The following DRAXIN variants were observed in gnomAD, a reference collection of about 807,000 sequenced individuals.
DRAXIN encodes the protein dorsal repulsive axon guidance protein.
DRAXIN carries 27 observed loss-of-function variants against 33.9 expected under a neutral mutation model. The observed-to-expected ratio is 0.80, with a 90% CI of 0.59 to 1.10. The LOEUF (loss-of-function observed/expected upper bound fraction) is 1.10. Among genes scored for constraint, DRAXIN ranks in the 50% least tolerant of loss-of-function variants. The pLI is 0.00. For synonymous variants in DRAXIN, 178 were observed against 194.0 expected (o/e 0.92, Z 0.69); for missense variants, 371 against 460.8 (o/e 0.81, Z 1.78).
rs1641731495 is a variant in DRAXIN, at chr1:11,725,400, G to A, written c.*5704G>A. ...TACTGAGCCAGAATCTCTGGGGGTG[G>A]GGCCCAGCCATTTGGCTTTTCACAA... On this transcript the variant is annotated 3_prime_UTR_variant, in exon 7 of 7. Coordinates refer to ENST00000294485, the MANE Select transcript of DRAXIN (RefSeq NM_198545.4). 1 of 152,216 alleles carries A rather than the reference G, an allele frequency of 6.6e-6. No individual in the cohort carries two copies. Among genetic ancestry groups the A allele is most frequent in the South Asian group, 2.1e-4 (1 of 4,838 alleles). 9.4% of individuals were successfully genotyped at this position (152,216 alleles called of 1,614,324 possible).
Position 11,719,721 on chromosome 1 carries a change from GC to G in DRAXIN, c.*28del. On this transcript the variant is annotated 3_prime_UTR_variant, in exon 7 of 7. Coordinates refer to ENST00000294485, the MANE Select transcript of DRAXIN (RefSeq NM_198545.4). ...GCGGCCCCGCGGGACTGGGGACTGA[GC>G]CCAGGAGGTTTGCACAAGCCGGGCG... 6.2e-7 allele frequency: 1 copy of G among 1,600,376 alleles called. No homozygotes were observed. Among genetic ancestry groups the G allele is most frequent in the Non-Finnish European group, 8.6e-7 (1 of 1,169,140 alleles).
In DRAXIN at chr1:11,706,931, C is replaced by T. The variant is rs143525233; in HGVS notation, c.451+222C>T. Among the ~76,000 whole-genome samples, 5 of 152,262 alleles carry T rather than the reference C, an allele frequency of 3.3e-5. No individual in the cohort carries two copies. Among genetic ancestry groups the T allele is most frequent in the South Asian group, 4.1e-4 (2 of 4,820 alleles). On this transcript the variant is annotated intron_variant, in intron 2 of 6. Transcript: ENST00000294485. The surrounding 1 kb of genome is among the most constrained non-coding windows in gnomAD (Gnocchi z 5.5). ...TGTTGCAATACAATCTGTCTTATCGCGGCCCGGTGCCGTGGCTCACGCTTG... is the reference window on the plus strand; with the variant it reads ...TGTTGCAATACAATCTGTCTTATCGTGGCCCGGTGCCGTGGCTCACGCTTG...
chr1:11,722,828 C>CTTTTTTTTTTTTTTTTTTTT lies in DRAXIN; in HGVS notation c.*3132_*3133insTTTTTTTTTTTTTTTTTTTT, dbSNP rs1408795587. On this transcript the variant is annotated 3_prime_UTR_variant, in exon 7 of 7. Coordinates refer to ENST00000294485, the MANE Select transcript of DRAXIN (RefSeq NM_198545.4). ...TGTCACAAAATATTATTCTCTCTTT[C>CTTTTTTTTTTTTTTTTTTTT]CTTTTTTTTTTTTTTGGAGATGGAG... 1 of 138,810 alleles carries CTTTTTTTTTTTTTTTTTTTT rather than the reference C, an allele frequency of 7.2e-6. No individual in the cohort carries two copies. Among genetic ancestry groups the CTTTTTTTTTTTTTTTTTTTT allele is most frequent in the Non-Finnish European group, 1.6e-5 (1 of 63,326 alleles). The allele number at this position is 138,810 out of a possible 1,614,324, so 8.6% of individuals were successfully genotyped here. A position where few individuals can be genotyped will look rare whatever the true frequency, so the allele number is the denominator to read the frequency against.
chr1:11,690,883 TC>T (rs2100724163), upstream of DRAXIN, among the ~76,000 whole-genome samples: 1 of 152,210 alleles, frequency 6.6e-6, no homozygotes, highest in African/African-American at 2.4e-5. This position sits in a 1 kb window ranked among gnomAD's most constrained non-coding sequence, Gnocchi z 4.2. Flanking sequence ...CTGAGAAGCT[TC>T]AGGCCGGCTT....
At chr1:11,701,196 A>G (rs974705577) in intron 1 of DRAXIN, among the ~76,000 whole-genome samples, 1 of 152,110 alleles carries the variant, frequency 6.6e-6, no homozygotes, top group African/African-American at 2.4e-5. Context: ...GATGCCTCTC[A>G]CCGCGAGGAT....
intron 6 of DRAXIN, among the ~76,000 whole-genome samples, chr1:11,716,620 T>C (rs1641581280): frequency 6.6e-6 from 1 of 152,122 alleles, no homozygotes; most frequent in African/African-American, 2.4e-5. Context: ...GTCTTAAAAA[T>C]GATGATAATA....
chr1:11,692,563 C>G lies in DRAXIN; in HGVS notation c.-11+710C>G, dbSNP rs1030649793. 6.6e-6 allele frequency among the ~76,000 whole-genome samples: 1 copy of G among 152,216 alleles called. No homozygotes were observed. The highest frequency in any genetic ancestry group is 2.4e-5 in the African/African-American group (1 of 41,458). On this transcript the variant is annotated intron_variant, in intron 1 of 6. Coordinates refer to ENST00000294485, the MANE Select transcript of DRAXIN (RefSeq NM_198545.4). The surrounding 1 kb of genome is among the most constrained non-coding windows in gnomAD (Gnocchi z 5.8). ...CCGGCTTTTGGCTTTTCTCCGTCCG[C>G]TCGTCAAGGGTCTCAGCCGCCTTCG...
At chr1:11,688,952 G>GT (rs1641010446), upstream of DRAXIN, among the ~76,000 whole-genome samples, 1 of 152,192 alleles carries the variant, frequency 6.6e-6, no homozygotes, top group South Asian at 2.1e-4. The surrounding 1 kb of genome is among the most constrained non-coding windows in gnomAD (Gnocchi z 4.6). Flanking sequence ...TGCCATGGCA[G>GT]TTTACAAATG....
At position 11,721,517 on chromosome 1, in the gene DRAXIN, T is replaced by C. The variant is rs1461647925; in HGVS notation, c.*1821T>C. On this transcript the variant is annotated 3_prime_UTR_variant, in exon 7 of 7. Coordinates refer to ENST00000294485, the MANE Select transcript of DRAXIN (RefSeq NM_198545.4). ...ACGCCCATAAGATGCCAGAGATGTT[T>C]ACTGCGTTGGAAAAATCAGTCGGGG... The C allele has an allele frequency of 2.6e-5, 4 of 152,404 alleles. No homozygotes were observed. 9.4% of individuals were successfully genotyped at this position (152,404 alleles called of 1,614,324 possible).
rs1246372624 is a variant in DRAXIN at position 11,706,447 on chromosome 1, CAAG to C, written c.193_195del (p.Lys65del). 12 of 1,611,340 alleles carry C rather than the reference CAAG, an allele frequency of 7.4e-6. No homozygotes were observed. The South Asian group carries it at 1.1e-4, about 15-fold the overall frequency. ...GCCACCACCGCCGGCGGGGCCCGGG[CAAG>C]AAGGAGTGGGGCCCAGGCCTGCCCA... On this transcript the variant is annotated inframe_deletion, in exon 2 of 7. Coordinates refer to ENST00000294485, the MANE Select transcript of DRAXIN (RefSeq NM_198545.4). This position sits in a 1 kb window ranked among gnomAD's most constrained non-coding sequence, Gnocchi z 5.5.
intron 5 of DRAXIN, 75 bp from the exon 6 acceptor site, chr1:11,715,044 C>T: frequency 1.9e-6 from 3 of 1,542,192 alleles, no homozygotes; most frequent in African/African-American, 1.4e-5. Flanking sequence ...ATCTCTTGTC[C>T]AGTGGGACCG....
chr1:11,703,836 A>G (rs944795744), intron 1 of DRAXIN, among the ~76,000 whole-genome samples: 5 of 151,906 alleles, frequency 3.3e-5, no homozygotes, highest in African/African-American at 1.2e-4. Context: ...GGTACTGTGA[A>G]TGGACCCACA....
At chr1:11,687,459 C>T (rs1202037881), upstream of DRAXIN, among the ~76,000 whole-genome samples, 9 of 152,152 alleles carry the variant, frequency 5.9e-5, no homozygotes, top group Admixed American at 4.6e-4. The surrounding 1 kb of genome is among the most constrained non-coding windows in gnomAD (Gnocchi z 4.1). Context: ...AGGCTGGTCT[C>T]GAACTCCTGA....
chr1:11,691,373 C>T (rs1321279525), upstream of DRAXIN: 1 of 152,186 alleles, frequency 6.6e-6, no homozygotes, highest in Non-Finnish European at 1.5e-5. Flanking sequence ...CCCCTCCCGT[C>T]CCACGCGCCC....
intron 6 of DRAXIN, among the ~76,000 whole-genome samples, chr1:11,716,529 G>A (rs1326114767): frequency 1.3e-5 from 2 of 152,204 alleles, no homozygotes; most frequent in South Asian, 2.1e-4. Flanking sequence ...TACATGCCCC[G>A]TTTTGCTCAT....
intron 5 of DRAXIN, 107 bp from the exon 6 acceptor site, chr1:11,715,012 C>T (rs1246370680): frequency 2.7e-5 from 36 of 1,346,184 alleles, no homozygotes; most frequent in Non-Finnish European, 3.5e-5. Flanking sequence ...CGCCAGGGCG[C>T]GGCCTGCCAC....
In DRAXIN at chr1:11,709,898, A is replaced by G. The variant is rs528213227; in HGVS notation, c.642+433A>G. Among the ~76,000 whole-genome samples the G allele has an allele frequency of 6.6e-5, 10 of 152,334 alleles. No homozygotes were observed. The East Asian group carries it at 1.7e-3, about 26-fold the overall frequency. On this transcript the variant is annotated intron_variant, in intron 3 of 6. Transcript: ENST00000294485. ...CATCTGCATCAGATCTTTAAAAAAG[A>G]TATGTGGGCTGGGCGCGGTGGCTCA...
intron 1 of DRAXIN, 87 bp downstream of exon 1, chr1:11,691,940 G>C (rs1332178032): frequency 6.6e-6 from 1 of 151,886 alleles, no homozygotes; most frequent in East Asian, 2.0e-4. Flanking sequence ...TACCTGGCGC[G>C]CCCAGGGGCG....
chr1:11,706,851 A>T lies in DRAXIN; in HGVS notation c.451+142A>T. ...TCACTGAAGCCAGAGGGACCTGGTAAGGGGAGGAGGCTGGGAGAGGCCTGG... is the reference window on the plus strand; with the variant it reads ...TCACTGAAGCCAGAGGGACCTGGTATGGGGAGGAGGCTGGGAGAGGCCTGG... On this transcript the variant is annotated intron_variant, in intron 2 of 6. Transcript: ENST00000294485. This position sits in a 1 kb window ranked among gnomAD's most constrained non-coding sequence, Gnocchi z 5.5. 2.2e-6 allele frequency: 2 copies of T among 913,834 alleles called. No individual in the cohort carries two copies. The highest frequency in any genetic ancestry group is 2.0e-5 in the South Asian group (1 of 51,114). 56.6% of individuals were successfully genotyped at this position (913,834 alleles called of 1,614,324 possible). A position where few individuals can be genotyped will look rare whatever the true frequency, so the allele number is the denominator to read the frequency against.
Sources: allele counts gnomAD v4.1 joint callset (sites outside exome capture counted in the v4.1 genomes callset), GRCh38; gene constraint gnomAD v4.1.1; non-coding constraint Gnocchi (gnomAD v3.1); transcripts MANE v1.5; gene names NCBI Gene and HGNC (gene_info 2026-07-23, HGNC 2026-07-21).